Variants in MSRA observed in about 807,000 individuals in gnomAD.
MSRA encodes mitochondrial peptide methionine sulfoxide reductase.
MSRA carries 54 observed loss-of-function variants against 31.3 expected under a neutral mutation model. The ratio of observed to expected loss-of-function variants is 1.73; its 90% CI spans 1.39 to 2.17. The LOEUF is 2.17. MSRA is among the 30% of genes most tolerant of loss of function. MSRA has a pLI of 0.00. For missense variants in MSRA, 507 were observed against 300.9 expected (o/e 1.69, Z -5.07); for synonymous variants, 169 against 116.5 (o/e 1.45, Z -2.90).
intron 1 of MSRA, among the ~76,000 whole-genome samples, chr8:10,120,896 C>T (rs901661830): frequency 6.6e-6 from 1 of 152,112 alleles, no homozygotes; most frequent in African/African-American, 2.4e-5. Flanking sequence ...CCAAGAGTCT[C>T]CTGTGTGTGT....
At chr8:10,084,164 C>G (rs1008750221) in intron 1 of MSRA, among the ~76,000 whole-genome samples, 5 of 152,216 alleles carry the variant, frequency 3.3e-5, no homozygotes, top group African/African-American at 2.4e-5. Context: ...TCCGACTTGT[C>G]CACGCTTCCA....
At position 10,396,987 on chromosome 8, in the gene MSRA, C is replaced by G. The variant is rs139414769; in HGVS notation, c.544-31161C>G. On this transcript the variant is annotated intron_variant, in intron 5 of 5. Transcript: ENST00000317173. Reference sequence around the variant, plus strand: ...TCAGAGTGTCGCTGAGTACCAGACTCTATGCTTTTTTACTCCAGGAACCTG... The same window carrying G: ...TCAGAGTGTCGCTGAGTACCAGACTGTATGCTTTTTTACTCCAGGAACCTG... 1.8e-3 allele frequency among the ~76,000 whole-genome samples: 272 copies of G among 152,290 alleles called. 4 individuals carry two copies. The highest frequency in any genetic ancestry group is 6.2e-3 in the African/African-American group (259 of 41,560).
intron 4 of MSRA, among the ~76,000 whole-genome samples, chr8:10,313,172 A>C (rs1801528172): frequency 6.6e-6 from 1 of 152,360 alleles, no homozygotes; most frequent in South Asian, 2.1e-4. Context: ...TGCTGCTTCC[A>C]GACCTGGCTC....
At chr8:10,350,704 C>T (rs940962860) in intron 5 of MSRA, among the ~76,000 whole-genome samples, 3 of 152,206 alleles carry the variant, frequency 2.0e-5, no homozygotes, top group African/African-American at 2.4e-5. Flanking sequence ...GCCTGGGCAC[C>T]GTGGCTCCTT....
rs1446540831 is a variant in MSRA, at chr8:10,140,629, C to T, written c.143-67204C>T. On this transcript the variant is annotated intron_variant, in intron 1 of 5. Coordinates refer to ENST00000317173, the MANE Select transcript of MSRA (RefSeq NM_012331.5). ...TAATATGCATAATTTCTCGGTTTCT[C>T]TATTTTATAATTTGGATTTTTCTGC... 7.2e-5 allele frequency among the ~76,000 whole-genome samples: 11 copies of T among 152,252 alleles called. No individual in the cohort carries two copies. In the East Asian group the frequency reaches 2.1e-3, roughly 29 times the overall value.
At chr8:10,318,255 A>AT (rs1466640274) in intron 4 of MSRA, among the ~76,000 whole-genome samples, 2 of 152,184 alleles carry the variant, frequency 1.3e-5, no homozygotes, top group East Asian at 1.9e-4. Context: ...TCTGATCCAT[A>AT]ATTTCCTTTT....
At chr8:10,387,932 C>G (rs1806494273) in intron 5 of MSRA, among the ~76,000 whole-genome samples, 2 of 152,152 alleles carry the variant, frequency 1.3e-5, no homozygotes, top group South Asian at 4.2e-4. Context: ...TTCAAAAATG[C>G]TTGGCATGCC....
intron 1 of MSRA, among the ~76,000 whole-genome samples, chr8:10,172,963 C>T (rs1169171441): frequency 6.6e-6 from 1 of 152,226 alleles, no homozygotes; most frequent in East Asian, 1.9e-4. Context: ...ATAACCATGA[C>T]ACAGATTGGA....
intron 1 of MSRA, among the ~76,000 whole-genome samples, chr8:10,136,587 G>A (rs1802295441): frequency 6.6e-6 from 1 of 152,194 alleles, no homozygotes; most frequent in African/African-American, 2.4e-5. Flanking sequence ...ACAAGTGTGG[G>A]CCTGTACATT....
chr8:10,312,324 G>A (rs1427365284), intron 4 of MSRA, among the ~76,000 whole-genome samples: 2 of 152,286 alleles, frequency 1.3e-5, no homozygotes, highest in East Asian at 1.9e-4. Context: ...AATAAAAAGT[G>A]GGATATCACT....
chr8:10,321,058 A>G (rs1802019159), intron 5 of MSRA, among the ~76,000 whole-genome samples: 1 of 152,208 alleles, frequency 6.6e-6, no homozygotes, highest in Non-Finnish European at 1.5e-5. Context: ...AAATTGAATT[A>G]TGATAAAAGT....
chr8:10,330,269 CT>C (rs1475320092), intron 5 of MSRA, among the ~76,000 whole-genome samples: 2 of 151,824 alleles, frequency 1.3e-5, no homozygotes, highest in Non-Finnish European at 2.9e-5. Flanking sequence ...ATTATTGAAG[CT>C]GAGCCCCTTC....
At chr8:10,352,620 G>T (rs180824593) in intron 5 of MSRA, among the ~76,000 whole-genome samples, 2 of 152,080 alleles carry the variant, frequency 1.3e-5, no homozygotes, top group African/African-American at 4.8e-5. Flanking sequence ...ATTTTGTCTC[G>T]GTAAAATGCT....
rs374771094 is a variant in MSRA at position 10,260,754 on chromosome 8, CGT to C, written c.331+15541_331+15542del. ...GAAAGGAAGGAAATTACATTGTGTG[CGT>C]GTGTGTGTGCTTAATGTCTTTTGTA... On this transcript the variant is annotated intron_variant, in intron 3 of 5. Coordinates refer to ENST00000317173, the MANE Select transcript of MSRA (RefSeq NM_012331.5). Among the ~76,000 whole-genome samples the C allele has an allele frequency of 8.6e-4, 131 of 151,968 alleles. 2 individuals carry two copies. The highest frequency in any genetic ancestry group is 6.8e-3 in the Middle Eastern group (2 of 294).
intron 3 of MSRA, among the ~76,000 whole-genome samples, chr8:10,255,797 GT>G (rs36089458): frequency 6.7e-5 from 10 of 149,096 alleles, no homozygotes; most frequent in East Asian, 2.0e-4. Flanking sequence ...GAGGCTGCTG[GT>G]TTTTTTTTTA....
At chr8:10,126,812 C>T (rs1801534205) in intron 1 of MSRA, among the ~76,000 whole-genome samples, 1 of 152,242 alleles carries the variant, frequency 6.6e-6, no homozygotes, top group Admixed American at 6.5e-5. Flanking sequence ...CCATGTCCAG[C>T]CTAGATTTTC....
intron 2 of MSRA, among the ~76,000 whole-genome samples, chr8:10,215,237 G>T (rs1334722401): frequency 6.6e-6 from 1 of 152,180 alleles, no homozygotes; most frequent in Non-Finnish European, 1.5e-5. Flanking sequence ...GGTTATGGAG[G>T]AGTCTGTAAA....
intron 2 of MSRA, among the ~76,000 whole-genome samples, chr8:10,231,890 G>A (rs1464757680): frequency 6.6e-6 from 1 of 151,942 alleles, no homozygotes; most frequent in Non-Finnish European, 1.5e-5. Flanking sequence ...GTGACAGAGC[G>A]AGACTTTGTC....
chr8:10,291,119 C>G (rs543119641), intron 3 of MSRA, among the ~76,000 whole-genome samples: 1 of 152,180 alleles, frequency 6.6e-6, no homozygotes, highest in Non-Finnish European at 1.5e-5. Context: ...CAGTTAGAAA[C>G]CTCCAGTGCA....
Sources: gnomAD v4.1 joint callset for allele counts (sites outside exome capture counted in the v4.1 genomes callset) on GRCh38, gnomAD v4.1.1 for gene constraint, MANE v1.5 for transcripts, NCBI Gene and HGNC (gene_info 2026-07-23, HGNC 2026-07-21) for gene names.